The following FAT3 variants were observed in gnomAD, a reference collection of about 807,000 sequenced individuals.
FAT3 encodes FAT atypical cadherin 3, also known as protocadherin Fat 3.
In FAT3, 95 loss-of-function variants were observed where a neutral mutation model predicts 310.2. The observed-to-expected ratio is 0.31, with a 90% CI of 0.26 to 0.36. FAT3 has a LOEUF of 0.36. Ranked by LOEUF, FAT3 falls within the 10% of genes least tolerant of loss-of-function variation. FAT3 has a pLI of 1.00. For synonymous variants in FAT3, 2,314 were observed against 2,192.9 expected (o/e 1.06, Z -1.54); for missense variants, 5,408 against 5,715.6 (o/e 0.95, Z 1.74).
In FAT3 at chr11:92,616,544, G is replaced by C. The variant is rs537206547; in HGVS notation, c.3608-80840G>C. Among the ~76,000 whole-genome samples, 4 of 152,244 alleles carry C rather than the reference G, an allele frequency of 2.6e-5. No homozygotes were observed. The South Asian group carries it at 6.2e-4, about 24-fold the overall frequency. On this transcript the variant is annotated intron_variant, in intron 3 of 27. Coordinates refer to ENST00000525166, the MANE Select transcript of FAT3 (RefSeq NM_001367949.2). The stretch of plus-strand genomic sequence containing the variant: ...ATGATGTTAGCTGGTTATTTTGCTC[G>C]TTAGTTGATGCAGTTTCTTCCTAGA...
At chr11:92,624,286 G>A (rs754267833) in intron 3 of FAT3, among the ~76,000 whole-genome samples, 1 of 152,174 alleles carries the variant, frequency 6.6e-6, no homozygotes, top group Non-Finnish European at 1.5e-5. Context: ...GCAGAGGTAG[G>A]TACATGAACA....
chr11:92,663,402 C>T (rs1056967780), intron 3 of FAT3, among the ~76,000 whole-genome samples: 16 of 152,124 alleles, frequency 1.1e-4, no homozygotes, highest in Non-Finnish European at 2.1e-4. Flanking sequence ...GATTACTAAG[C>T]AGAATCAGAC....
At chr11:92,832,061 T>A (rs1323620472) in intron 14 of FAT3, 50 bp downstream of exon 14, 1 of 1,486,124 alleles carries the variant, frequency 6.7e-7, no homozygotes. Flanking sequence ...CTTGGCACGG[T>A]GGCTCACACC....
intron 1 of FAT3, among the ~76,000 whole-genome samples, chr11:92,316,868 T>C (rs1947476753): frequency 1.3e-5 from 2 of 152,178 alleles, no homozygotes; most frequent in African/African-American, 4.8e-5. Flanking sequence ...CATTCCAATC[T>C]TTCTCCACTT....
At chr11:92,258,405 C>A (rs1281833816) in intron 1 of FAT3, among the ~76,000 whole-genome samples, 1 of 152,060 alleles carries the variant, frequency 6.6e-6, no homozygotes, top group Admixed American at 6.6e-5. Flanking sequence ...AGGGGTCTGC[C>A]TTGAGGGATC....
chr11:92,272,904 G>A (rs1028373177), intron 1 of FAT3, among the ~76,000 whole-genome samples: 1 of 152,124 alleles, frequency 6.6e-6, no homozygotes, highest in African/African-American at 2.4e-5. Context: ...ATGGAGCTCT[G>A]GCCAGGAGCC....
At chr11:92,833,119 A>G (rs914928672) in intron 14 of FAT3, among the ~76,000 whole-genome samples, 1 of 152,216 alleles carries the variant, frequency 6.6e-6, no homozygotes, top group East Asian at 1.9e-4. Flanking sequence ...AATTCTAGAA[A>G]ACAAGCTTGG....
chr11:92,400,687 T>C (rs1017189251), intron 2 of FAT3: 3 of 151,478 alleles, frequency 2.0e-5, no homozygotes, highest in Admixed American at 6.6e-5. Context: ...ACTAGATAAG[T>C]AACAACAGGG....
intron 3 of FAT3, among the ~76,000 whole-genome samples, chr11:92,623,492 T>G (rs1474261143): frequency 6.6e-6 from 1 of 152,228 alleles, no homozygotes; most frequent in Non-Finnish European, 1.5e-5. Context: ...GTTTTTGTTA[T>G]ATATACTGAA....
At chr11:92,672,800 G>A (rs1349135380) in intron 3 of FAT3, among the ~76,000 whole-genome samples, 1 of 152,144 alleles carries the variant, frequency 6.6e-6, no homozygotes, top group Non-Finnish European at 1.5e-5. Flanking sequence ...CAGAACAGGA[G>A]TAGATTTTCT....
chr11:92,510,014 G>C (rs1953240311), intron 2 of FAT3, among the ~76,000 whole-genome samples: 1 of 152,002 alleles, frequency 6.6e-6, no homozygotes, highest in Admixed American at 6.6e-5. Flanking sequence ...CTATCTGCTT[G>C]TCTGTTTATC....
At chr11:92,696,317 G>C (rs1943941166) in intron 3 of FAT3, among the ~76,000 whole-genome samples, 1 of 152,096 alleles carries the variant, frequency 6.6e-6, no homozygotes, top group Non-Finnish European at 1.5e-5. Flanking sequence ...GTTACTCTGA[G>C]TGGGATATTA....
chr11:92,857,725 G>A (rs181746518), intron 20 of FAT3, among the ~76,000 whole-genome samples: 152 of 152,208 alleles, frequency 1.0e-3, no homozygotes, highest in African/African-American at 3.3e-3. Context: ...ATCCACAGCC[G>A]CAAAACCAAG....
intron 2 of FAT3, among the ~76,000 whole-genome samples, chr11:92,381,042 C>T (rs1362758389): frequency 1.3e-5 from 2 of 152,164 alleles, no homozygotes; most frequent in East Asian, 3.8e-4. Flanking sequence ...TCCCCTCATT[C>T]CCTGGCAATG....
rs538822881 is a variant in FAT3, at chr11:92,800,239, G to A, written c.7226G>A (p.Arg2409Gln). Residue 2409 changes from arginine to glutamine, a missense_variant, in exon 10 of 28, where the codon CGG becomes CAG. Transcript: ENST00000525166. ...TCATATGTGAGTGAATTAGCCCCCC[G>A]GGGCCATTTTGTAACCTGTGTACAA... ...YESYVSELAP[R>Q]GHFVTCVQAS... The A allele has an allele frequency of 7.7e-5, 124 of 1,613,958 alleles. 1 individual carries two copies. Among genetic ancestry groups the A allele is most frequent in the Middle Eastern group, 3.3e-4 (2 of 6,062 alleles).
chr11:92,588,305 A>G (rs554522128), intron 3 of FAT3, among the ~76,000 whole-genome samples: 7 of 152,016 alleles, frequency 4.6e-5, no homozygotes, highest in African/African-American at 1.4e-4. Context: ...GCTTTTTACA[A>G]TAAGTTGCTG....
rs71064714 is a variant in FAT3, at chr11:92,486,130, G to GTTTTTTTTTTTTTTTT, written c.3293-38491_3293-38476dup. Among the ~76,000 whole-genome samples, 75 of 37,140 alleles carry GTTTTTTTTTTTTTTTT rather than the reference G, an allele frequency of 2.0e-3. 7 individuals are homozygous for GTTTTTTTTTTTTTTTT. The highest frequency in any genetic ancestry group is 3.0e-3 in the East Asian group (2 of 676). The allele number at this position is 37,140 out of a possible 152,430, so 24.4% of individuals were successfully genotyped here. ...GTGAAATAGAGGAGAGGCTGCTGGG[G>GTTTTTTTTTTTTTTTT]TTTTTTTTTTTTTTTTTTTTTTTTT... On this transcript the variant is annotated intron_variant, in intron 2 of 27. Transcript: ENST00000525166.
At chr11:92,282,659 A>G (rs2513467) in intron 1 of FAT3, among the ~76,000 whole-genome samples, 1 of 20,948 alleles carries the variant, frequency 4.8e-5, no homozygotes, top group Non-Finnish European at 8.9e-5. Flanking sequence ...TCAAAAAATA[A>G]AAAAAAAAAA....
intron 2 of FAT3, among the ~76,000 whole-genome samples, chr11:92,473,191 T>C (rs1951954941): frequency 6.6e-6 from 1 of 152,172 alleles, no homozygotes; most frequent in South Asian, 2.1e-4. Context: ...TATAAGTTTC[T>C]TAGAGTCAGA....
Sources: allele counts gnomAD v4.1 joint callset (sites outside exome capture counted in the v4.1 genomes callset), GRCh38; gene constraint gnomAD v4.1.1; transcripts MANE v1.5; gene names NCBI Gene and HGNC (gene_info 2026-07-23, HGNC 2026-07-21).